HSD17B4: variants seen among roughly 807,000 people sequenced by gnomAD.
The protein encoded by HSD17B4 is hydroxysteroid 17-beta dehydrogenase 4, also known as peroxisomal multifunctional enzyme type 2.
HSD17B4 carries 70 observed loss-of-function variants against 101.0 expected under a neutral mutation model. The observed-to-expected ratio is 0.69, with a 90% CI of 0.57 to 0.85. The LOEUF (loss-of-function observed/expected upper bound fraction) is 0.85. HSD17B4 is among the 40% of genes least tolerant of loss of function. The pLI, the probability that HSD17B4 is intolerant of heterozygous loss-of-function variation, is 0.00. For synonymous variants in HSD17B4, 347 were observed against 297.1 expected (o/e 1.17, Z -1.73); for missense variants, 984 against 892.4 (o/e 1.10, Z -1.31).
chr5:119,462,248 ATTTTTTTTTTTTTT>A (rs10524491), intron 2 of HSD17B4, among the ~76,000 whole-genome samples: 40 of 30,042 alleles, frequency 1.3e-3, no homozygotes, highest in African/African-American at 1.9e-3. Context: ...AACAAATGTG[ATTTTTTTTTTTTTT>A]TTTTTTTTTT....
chr5:119,518,110 C>T (rs1380163083), intron 17 of HSD17B4, among the ~76,000 whole-genome samples: 2 of 152,146 alleles, frequency 1.3e-5, no homozygotes, highest in East Asian at 1.9e-4. Context: ...CTCCGGTCCC[C>T]TTCCACACTG....
intron 2 of HSD17B4, among the ~76,000 whole-genome samples, chr5:119,467,744 C>T (rs929726895): frequency 9.2e-5 from 14 of 152,138 alleles, no homozygotes; most frequent in Admixed American, 2.0e-4. Flanking sequence ...TTTTTGTATA[C>T]GTGGGTTTCA....
chr5:119,482,603 C>T (rs571823788), intron 8 of HSD17B4, among the ~76,000 whole-genome samples: 92 of 152,168 alleles, frequency 6.0e-4, no homozygotes, highest in African/African-American at 2.1e-3. Context: ...ATGTTTATCT[C>T]GTTAGGAGTT....
Position 119,500,305 on chromosome 5 carries a change from T to C in HSD17B4, c.1209+752T>C, listed in dbSNP as rs182506747. 6.7e-3 allele frequency among the ~76,000 whole-genome samples: 1,021 copies of C among 152,134 alleles called. 2 individuals carry two copies. Among genetic ancestry groups the C allele is most frequent in the Non-Finnish European group, 0.011 (746 of 67,988 alleles). On this transcript the variant is annotated intron_variant, in intron 13 of 23. Transcript: ENST00000510025. ...TCTGGATAATTGGGATATGTATATA[T>C]ATATAGAGAGAGAGATGGGTGCATA...
rs190495642 is a variant in HSD17B4, at chr5:119,504,653, G to A, written c.1262-2165G>A. ...ATTTGTTTTTTGCTTGTTGAACTAC[G>A]TTCCTCATAGATTCTAGACATTAGA... On this transcript the variant is annotated intron_variant, in intron 14 of 23. Transcript: ENST00000510025. Among the ~76,000 whole-genome samples, 17 of 152,026 alleles carry A rather than the reference G, an allele frequency of 1.1e-4. No individual in the cohort carries two copies. The East Asian group carries it at 2.9e-3, about 26-fold the overall frequency.
intron 2 of HSD17B4, chr5:119,471,657 C>T: frequency 6.9e-7 from 1 of 1,446,038 alleles, no homozygotes; most frequent in Non-Finnish European, 9.2e-7. Flanking sequence ...TATGCAATAA[C>T]CCTATGGAGA....
intron 13 of HSD17B4, among the ~76,000 whole-genome samples, chr5:119,500,240 T>C (rs1383258090): frequency 6.6e-6 from 1 of 151,852 alleles, no homozygotes; most frequent in Non-Finnish European, 1.5e-5. Flanking sequence ...GTGCTGCATA[T>C]GAGGGTTAGA....
intron 2 of HSD17B4, 46 bp from the exon 3 acceptor site, chr5:119,473,862 A>C: frequency 9.0e-7 from 1 of 1,114,282 alleles, no homozygotes; most frequent in Non-Finnish European, 1.4e-6. Flanking sequence ...ACACATTTTG[A>C]AAGTCTAGAA....
rs1751935678 is a variant in HSD17B4, at chr5:119,509,174, A to G, written c.1367A>G (p.His456Arg). ...TATTCTGAGAAGGAACTTATATGCC[A>G]CAATCAGTTCTCTCTCTTTCTTGTT... is the stretch of plus-strand genomic sequence containing the variant. ...YSYSEKELIC[H>R]NQFSLFLVGS... The change falls in exon 16 of 24, where the codon CAC becomes CGC. Residue 456 changes from histidine (H) to arginine (R), a missense_variant. Coordinates refer to ENST00000510025, the MANE Select transcript of HSD17B4 (RefSeq NM_000414.4). The G allele has an allele frequency of 6.2e-7, 1 of 1,602,694 alleles. No individual in the cohort carries two copies. The highest frequency in any genetic ancestry group is 8.5e-7 in the Non-Finnish European group (1 of 1,169,762).
intron 8 of HSD17B4, among the ~76,000 whole-genome samples, chr5:119,479,828 A>C (rs1242001151): frequency 6.7e-6 from 1 of 150,210 alleles, no homozygotes; most frequent in African/African-American, 2.4e-5. Context: ...GTGTGGACAT[A>C]AGTTTTTAAG....
At chr5:119,528,557 C>T (rs564161387) in intron 20 of HSD17B4, among the ~76,000 whole-genome samples, 4 of 152,220 alleles carry the variant, frequency 2.6e-5, no homozygotes, top group African/African-American at 9.6e-5. Flanking sequence ...AATATCTGTG[C>T]CACATATTTT....
chr5:119,493,189 A>G lies in HSD17B4; in HGVS notation c.740-629A>G, dbSNP rs116708524. 1,384 of 152,638 alleles carry G rather than the reference A, an allele frequency of 9.1e-3. 15 individuals carry two copies. The highest frequency in any genetic ancestry group is 0.012 in the Non-Finnish European group (806 of 68,286). The allele number at this position is 152,638 out of a possible 1,614,324, so 9.5% of individuals were successfully genotyped here. On this transcript the variant is annotated intron_variant, in intron 10 of 23. Coordinates refer to ENST00000510025, the MANE Select transcript of HSD17B4 (RefSeq NM_000414.4). ...AGTGTCTGACTATTATGTTTAAATA[A>G]GGTTATTAGTAGTTGTTTATACCTC... is the stretch of plus-strand genomic sequence containing the variant.
intron 23 of HSD17B4, among the ~76,000 whole-genome samples, chr5:119,540,066 G>A (rs191088459): frequency 1.3e-5 from 2 of 152,220 alleles, no homozygotes; most frequent in Non-Finnish European, 2.9e-5. Context: ...TAGCCTGGGT[G>A]ACAGAGCAAG....
At position 119,499,312 on chromosome 5, in the gene HSD17B4, C is replaced by G. The variant is rs1750937193; in HGVS notation, c.973-5C>G. ...AAATAAATTACTTTTTAAAACTGTT[C>G]TTAGGCTGGAGCTATTGGCCAGAAA... On this transcript the variant is annotated splice_region_variant and splice_polypyrimidine_tract_variant and intron_variant, in intron 12 of 23. Transcript: ENST00000510025. 6.3e-7 allele frequency: 1 copy of G among 1,590,492 alleles called. No homozygotes were observed. Among genetic ancestry groups the G allele is most frequent in the Non-Finnish European group, 8.6e-7 (1 of 1,158,802 alleles).
chr5:119,506,624 C>G (rs963722301), intron 14 of HSD17B4, among the ~76,000 whole-genome samples, 194 bp from the exon 15 acceptor site: 2 of 152,214 alleles, frequency 1.3e-5, no homozygotes, highest in Admixed American at 6.5e-5. Flanking sequence ...CTAATTTACA[C>G]TCCCACCAAC....
intron 7 of HSD17B4, chr5:119,477,749 C>G (rs1337587631): frequency 4.3e-6 from 2 of 466,406 alleles, no homozygotes; most frequent in Non-Finnish European, 7.9e-6. Flanking sequence ...TCTTGCTGCT[C>G]TCTGGCAATT....
intron 17 of HSD17B4, among the ~76,000 whole-genome samples, chr5:119,515,612 C>T (rs992696379): frequency 1.1e-4 from 16 of 151,952 alleles, no homozygotes; most frequent in African/African-American, 3.1e-4. Flanking sequence ...ATTCTGTGAC[C>T]ATAGAAAAAT....
chr5:119,482,575 C>G (rs1030256966), intron 8 of HSD17B4, among the ~76,000 whole-genome samples: 2 of 152,008 alleles, frequency 1.3e-5, no homozygotes, highest in Non-Finnish European at 1.5e-5. Flanking sequence ...GATTAATAGG[C>G]TTTTAGTGTG....
At chr5:119,455,204 G>C (rs892987313) in intron 1 of HSD17B4, among the ~76,000 whole-genome samples, 1 of 152,132 alleles carries the variant, frequency 6.6e-6, no homozygotes, top group Non-Finnish European at 1.5e-5. Flanking sequence ...TTTTTCCCGA[G>C]ATACTCTATG....
Sources: gnomAD v4.1 joint callset for allele counts (sites outside exome capture counted in the v4.1 genomes callset) on GRCh38, gnomAD v4.1.1 for gene constraint, MANE v1.5 for transcripts, NCBI Gene and HGNC (gene_info 2026-07-23, HGNC 2026-07-21) for gene names.